Variants in RNF220 observed in about 807,000 individuals in gnomAD.
The protein encoded by RNF220 is E3 ubiquitin-protein ligase RNF220.
A neutral mutation model predicts 67.1 loss-of-function variants in RNF220; 7 were observed. The observed-to-expected ratio is 0.10, with a 90% CI of 0.06 to 0.20. RNF220 has a LOEUF of 0.20. RNF220 is among the 10% of genes least tolerant of loss of function. The probability of loss-of-function intolerance (pLI) is 1.00; values close to 1 mark genes in which losing one functional copy is unlikely to be tolerated. For synonymous variants in RNF220, 270 were observed against 283.2 expected, an observed-to-expected ratio of 0.95 and a Z score of 0.47; for missense variants, 565 against 740.3, an observed-to-expected ratio of 0.76 and a Z score of 2.75.
chr1:44,582,585 C>T (rs1665377743), intron 2 of RNF220, among the ~76,000 whole-genome samples: 1 of 151,872 alleles, frequency 6.6e-6, no homozygotes, highest in Admixed American at 6.6e-5. Context: ...GGTGAAACCC[C>T]ATCTCTACTA....
chr1:44,504,347 C>G (rs1658218955), intron 2 of RNF220, among the ~76,000 whole-genome samples: 1 of 152,122 alleles, frequency 6.6e-6, no homozygotes, highest in South Asian at 2.1e-4. Context: ...CTAATCTGCC[C>G]AAGGATGTGG....
chr1:44,610,133 A>G (rs994201173), intron 2 of RNF220, among the ~76,000 whole-genome samples: 1 of 152,144 alleles, frequency 6.6e-6, no homozygotes, highest in Non-Finnish European at 1.5e-5. Context: ...AGGCGGAATG[A>G]GCGATCCATC....
At position 44,635,605 on chromosome 1, in the gene RNF220, A is replaced by G. The variant is rs761400919; in HGVS notation, c.993+17A>G. 1.2e-5 allele frequency: 20 copies of G among 1,614,034 alleles called. No individual in the cohort carries two copies. The highest frequency in any genetic ancestry group is 1.7e-5 in the Admixed American group (1 of 60,006). On this transcript the variant is annotated intron_variant, in intron 7 of 14. Coordinates refer to ENST00000361799, the MANE Select transcript of RNF220 (RefSeq NM_018150.4). ...GAAGGGCAGGTATGTCCCCTGTGCA[A>G]CCGCCCCCTGGCAGGATCGGAGCAG...
In RNF220 at chr1:44,412,161, T is replaced by A; in HGVS notation, c.64T>A (p.Ser22Thr). The change falls in exon 2 of 15, where the codon TCC (serine) becomes ACC (threonine). Residue 22 changes from serine (S) to threonine (T), a missense_variant. Coordinates refer to ENST00000361799, the MANE Select transcript of RNF220 (RefSeq NM_018150.4). This position sits in a 1 kb window ranked among gnomAD's most constrained non-coding sequence, Gnocchi z 5.3. ...NSSYLPNPLASPALMVLASTA... is the reference protein window; with the variant it reads ...NSSYLPNPLATPALMVLASTA... ...ATCCTACCTTCCCAACCCTCTGGCA[T>A]CCCCAGCACTGATGGTCCTGGCATC... is the stretch of plus-strand genomic sequence containing the variant. 3 of 1,614,096 alleles carry A rather than the reference T, an allele frequency of 1.9e-6. No individual in the cohort carries two copies.
At chr1:44,463,359 A>G (rs1653973791) in intron 2 of RNF220, among the ~76,000 whole-genome samples, 1 of 151,906 alleles carries the variant, frequency 6.6e-6, no homozygotes, top group South Asian at 2.1e-4. Context: ...AGAAAGAAAG[A>G]AAATACAGGA....
intron 2 of RNF220, among the ~76,000 whole-genome samples, chr1:44,581,065 C>T (rs1665241053): frequency 6.6e-6 from 1 of 152,194 alleles, no homozygotes; most frequent in South Asian, 2.1e-4. Context: ...CTAGGCCAAG[C>T]CTTGGCTGAG....
chr1:44,493,898 G>T (rs1367297396), intron 2 of RNF220, among the ~76,000 whole-genome samples: 4 of 152,012 alleles, frequency 2.6e-5, no homozygotes, highest in Non-Finnish European at 5.9e-5. Context: ...TGTCAATAAA[G>T]GTATCTATTA....
At position 44,443,501 on chromosome 1, in the gene RNF220, A is replaced by T. The variant is rs578107431; in HGVS notation, c.625+30779A>T. On this transcript the variant is annotated intron_variant, in intron 2 of 14. Transcript: ENST00000361799. Reference sequence around the variant, plus strand: ...CCCTACTGATAAAGGTCTTGCTAACATGCAGACTTGTTCATGTCACCTGCC... The same window carrying T: ...CCCTACTGATAAAGGTCTTGCTAACTTGCAGACTTGTTCATGTCACCTGCC... 2.2e-4 allele frequency among the ~76,000 whole-genome samples: 33 copies of T among 152,296 alleles called. No homozygotes were observed. The South Asian group carries it at 6.8e-3, about 32-fold the overall frequency.
intron 2 of RNF220, among the ~76,000 whole-genome samples, chr1:44,522,248 C>T (rs139344074): frequency 3.1e-4 from 47 of 152,294 alleles, no homozygotes; most frequent in African/African-American, 1.1e-3. Flanking sequence ...AATTCCAGCT[C>T]TGTCGCGTGT....
At chr1:44,530,959 T>A (rs1475761011) in intron 2 of RNF220, among the ~76,000 whole-genome samples, 1 of 152,160 alleles carries the variant, frequency 6.6e-6, no homozygotes, top group Non-Finnish European at 1.5e-5. Context: ...TGAGACTCCG[T>A]CTTAAATAAA....
Position 44,621,901 on chromosome 1 carries a change from T to C in RNF220, c.759-841T>C, listed in dbSNP as rs1406664021. ...CAGCACTTCTGTGAGCATGTGTGTG[T>C]GTGTGTGAGTGCACGCGCATGAATG... is the stretch of plus-strand genomic sequence containing the variant. On this transcript the variant is annotated intron_variant, in intron 3 of 14. Coordinates refer to ENST00000361799, the MANE Select transcript of RNF220 (RefSeq NM_018150.4). This position sits in a 1 kb window ranked among gnomAD's most constrained non-coding sequence, Gnocchi z 4.8. Among the ~76,000 whole-genome samples the C allele has an allele frequency of 3.3e-5, 5 of 152,176 alleles. No homozygotes were observed. The highest frequency in any genetic ancestry group is 2.6e-4 in the Admixed American group (4 of 15,280).
chr1:44,540,318 A>G (rs1215795826), intron 2 of RNF220, among the ~76,000 whole-genome samples: 4 of 152,172 alleles, frequency 2.6e-5, no homozygotes, highest in Non-Finnish European at 4.4e-5. Flanking sequence ...ATGAGCACAG[A>G]ATAATGGGCT....
intron 2 of RNF220, among the ~76,000 whole-genome samples, chr1:44,475,967 G>T (rs961990443): frequency 2.7e-5 from 4 of 150,082 alleles, no homozygotes; most frequent in Non-Finnish European, 5.9e-5. Flanking sequence ...AGCTAAGATC[G>T]CCAGCCTAGT....
chr1:44,540,982 C>T (rs1202999314), intron 2 of RNF220, among the ~76,000 whole-genome samples: 1 of 152,024 alleles, frequency 6.6e-6, no homozygotes, highest in African/African-American at 2.4e-5. Flanking sequence ...ACATTTGTTA[C>T]GGTGTTTGCA....
rs1396145933 is a variant in RNF220 at position 44,412,056 on chromosome 1, A to G, written c.-42A>G. ...TGCTGGTTGGCCTCCCTCCCAGGGAAGACTGCTTCTTGCGTAACGCCGGCC... is the reference window on the plus strand; with the variant it reads ...TGCTGGTTGGCCTCCCTCCCAGGGAGGACTGCTTCTTGCGTAACGCCGGCC... On this transcript the variant is annotated 5_prime_UTR_variant, in exon 2 of 15. Coordinates refer to ENST00000361799, the MANE Select transcript of RNF220 (RefSeq NM_018150.4). The surrounding 1 kb of genome is among the most constrained non-coding windows in gnomAD (Gnocchi z 5.3). 1 of 1,573,424 alleles carries G rather than the reference A, an allele frequency of 6.4e-7. No homozygotes were observed. The highest frequency in any genetic ancestry group is 8.6e-7 in the Non-Finnish European group (1 of 1,158,484).
intron 2 of RNF220, among the ~76,000 whole-genome samples, chr1:44,526,483 T>C (rs1180611531): frequency 6.6e-6 from 1 of 152,162 alleles, no homozygotes; most frequent in African/African-American, 2.4e-5. Context: ...TCAGTACTAC[T>C]CAGTACTTGT....
At position 44,607,090 on chromosome 1, in the gene RNF220, C is replaced by A. The variant is rs533292058; in HGVS notation, c.626-7075C>A. 3.9e-5 allele frequency among the ~76,000 whole-genome samples: 6 copies of A among 152,306 alleles called. No individual in the cohort carries two copies. The East Asian group carries it at 1.2e-3, about 29-fold the overall frequency. Reference sequence around the variant, plus strand: ...ACTCTTTTCTGTCCCTTAACTTCCACGTCCAATCCATCTGCCTCTGTTCAT... The same window carrying A: ...ACTCTTTTCTGTCCCTTAACTTCCAAGTCCAATCCATCTGCCTCTGTTCAT... On this transcript the variant is annotated intron_variant, in intron 2 of 14. Transcript: ENST00000361799.
intron 2 of RNF220, among the ~76,000 whole-genome samples, chr1:44,545,008 C>A (rs1256448317): frequency 2.0e-5 from 3 of 152,232 alleles, no homozygotes; most frequent in Admixed American, 1.3e-4. Flanking sequence ...TGGCTCTAGA[C>A]CCTGGGAATA....
At chr1:44,607,740 C>T (rs560023632) in intron 2 of RNF220, among the ~76,000 whole-genome samples, 20 of 152,234 alleles carry the variant, frequency 1.3e-4, no homozygotes, top group African/African-American at 3.1e-4. Context: ...CCGCCCGCCT[C>T]GGCCTCCCAA....
Sources: gnomAD v4.1 joint callset for allele counts (sites outside exome capture counted in the v4.1 genomes callset) on GRCh38, gnomAD v4.1.1 for gene constraint, Gnocchi (gnomAD v3.1) non-coding constraint, MANE v1.5 for transcripts, NCBI Gene and HGNC (gene_info 2026-07-23, HGNC 2026-07-21) for gene names.